The following PTPN3 variants were observed in gnomAD, a reference collection of about 807,000 sequenced individuals.
The protein encoded by PTPN3 is tyrosine-protein phosphatase non-receptor type 3.
A neutral mutation model predicts 132.7 loss-of-function variants in PTPN3; 96 were observed. That is an observed-to-expected ratio of 0.72 (90% CI 0.61 to 0.86). The LOEUF is 0.86. Among genes scored for constraint, PTPN3 ranks in the 40% least tolerant of loss-of-function variants. The pLI is 0.00. For missense variants in PTPN3, 1,125 were observed against 1,159.6 expected (o/e 0.97, Z 0.43); for synonymous variants, 398 against 429.0 (o/e 0.93, Z 0.89).
Position 109,391,482 on chromosome 9 carries a change from T to C in PTPN3, c.2033A>G (p.Asp678Gly). The C allele has an allele frequency of 6.2e-7, 1 of 1,613,188 alleles. No individual in the cohort carries two copies. Among genetic ancestry groups the C allele is most frequent in the Non-Finnish European group, 8.5e-7 (1 of 1,179,192 alleles). ...PQNLDKNRYK[D>G]VLPYDTTRVL... ...TGCCGGATACTCACAAGGCAGCACATCTTTATATCGGTTTTTGTCCAAATT... is the reference window on the plus strand; with the variant it reads ...TGCCGGATACTCACAAGGCAGCACACCTTTATATCGGTTTTTGTCCAAATT... Residue 678 changes from aspartate to glycine, a missense_variant, in exon 20 of 26, where the codon GAT becomes GGT. Asp to Gly is a moderately conservative substitution (Grantham distance 94). Transcript: ENST00000374541.
At chr9:109,421,303 C>T (rs1052086907) in intron 13 of PTPN3, among the ~76,000 whole-genome samples, 2 of 152,148 alleles carry the variant, frequency 1.3e-5, no homozygotes, top group African/African-American at 4.8e-5. Context: ...GGCGTCAGCT[C>T]CTGCAGCGGG....
At chr9:109,463,594 C>T in intron 1 of PTPN3, 143 bp from the exon 2 acceptor site, 1 of 678,688 alleles carries the variant, frequency 1.5e-6, no homozygotes, top group Non-Finnish European at 2.2e-6. Flanking sequence ...ATCATGTTTC[C>T]AATTGAGTTT....
chr9:109,464,551 T>A (rs1397831902), intron 1 of PTPN3, among the ~76,000 whole-genome samples: 2 of 152,194 alleles, frequency 1.3e-5, no homozygotes, highest in Admixed American at 6.5e-5. Context: ...TCAGAACTTG[T>A]AAGCTAAAAA....
At chr9:109,405,692 C>T (rs983505131) in intron 18 of PTPN3, among the ~76,000 whole-genome samples, 1 of 152,148 alleles carries the variant, frequency 6.6e-6, no homozygotes, top group Non-Finnish European at 1.5e-5. Flanking sequence ...TGGGTTCAAG[C>T]GATTCTCCTG....
chr9:109,388,870 A>T (rs1409010590), intron 22 of PTPN3, among the ~76,000 whole-genome samples: 1 of 152,238 alleles, frequency 6.6e-6, no homozygotes, highest in Non-Finnish European at 1.5e-5. Context: ...AAAATGGCAC[A>T]GTGATGTAAT....
the PTPN3 span, among the ~76,000 whole-genome samples, chr9:109,506,239 A>G: frequency 6.6e-6 from 1 of 152,168 alleles, no homozygotes; most frequent in Non-Finnish European, 1.5e-5. Context: ...TAACCATGTG[A>G]CTGGAAAGGC....
Position 109,376,541 on chromosome 9 carries a change from G to A in PTPN3, c.*3015C>T, listed in dbSNP as rs1838574577. On this transcript the variant is annotated 3_prime_UTR_variant, in exon 26 of 26. Coordinates refer to ENST00000374541, the MANE Select transcript of PTPN3 (RefSeq NM_002829.4). ...TGGAAAGTCAAAACACCAAGTGCAG[G>A]TTCTAGAGGGTGACACCAGCAGGGA... 2.0e-5 allele frequency: 3 copies of A among 152,148 alleles called. No individual in the cohort carries two copies. Among genetic ancestry groups the A allele is most frequent in the Admixed American group, 2.0e-4 (3 of 15,276 alleles). 9.4% of individuals were successfully genotyped at this position (152,148 alleles called of 1,614,324 possible). A position where few individuals can be genotyped will look rare whatever the true frequency, so the allele number is the denominator to read the frequency against.
intron 1 of PTPN3, among the ~76,000 whole-genome samples, chr9:109,494,108 G>A (rs139435938): frequency 1.3e-5 from 2 of 152,354 alleles, no homozygotes; most frequent in Non-Finnish European, 2.9e-5. Context: ...GCTAGGTGAG[G>A]CCTGGCCCAT....
At chr9:109,386,588 A>T (rs1398317371) in intron 22 of PTPN3, among the ~76,000 whole-genome samples, 1 of 152,122 alleles carries the variant, frequency 6.6e-6, no homozygotes, top group African/African-American at 2.4e-5. Flanking sequence ...CTCAGTATTG[A>T]AGGACGAGGG....
intron 23 of PTPN3, 48 bp downstream of exon 23, chr9:109,383,375 C>T (rs766630264): frequency 1.4e-5 from 22 of 1,613,612 alleles, no homozygotes; most frequent in Non-Finnish European, 8.5e-7. Context: ...ACAGTGGCCG[C>T]TGATTCAGCA....
intron 7 of PTPN3, among the ~76,000 whole-genome samples, chr9:109,442,461 A>G (rs866402136): frequency 5.9e-5 from 9 of 152,350 alleles, no homozygotes; most frequent in Middle Eastern, 3.4e-3. Context: ...TTCTATTAGC[A>G]TGACAGTAAT....
At chr9:109,475,113 C>T (rs1846590073) in intron 1 of PTPN3, among the ~76,000 whole-genome samples, 2 of 152,154 alleles carry the variant, frequency 1.3e-5, no homozygotes, top group Non-Finnish European at 1.5e-5. Flanking sequence ...AGGAAGTGCC[C>T]TGTAAGAGAG....
At chr9:109,415,064 G>GTCCA (rs769423845) in intron 14 of PTPN3, among the ~76,000 whole-genome samples, 1,320 of 126,022 alleles carry the variant, frequency 0.01, 12 homozygotes, top group Middle Eastern at 0.029. Flanking sequence ...CCGTCCATCC[G>GTCCA]TCCGTCCATC....
chr9:109,532,824 C>T, the PTPN3 span: 18 of 878,676 alleles, frequency 2.0e-5, no homozygotes, highest in Non-Finnish European at 2.6e-5. Context: ...GATGATAAGT[C>T]GGAATTTACT....
chr9:109,498,319 G>C (rs914483407), upstream of PTPN3: 1 of 146,226 alleles, frequency 6.8e-6, no homozygotes, highest in African/African-American at 2.5e-5. The surrounding 1 kb of genome is among the most constrained non-coding windows in gnomAD (Gnocchi z 4.2). Context: ...AGCATGCCCA[G>C]TGCCGCCCGC....
chr9:109,427,682 C>T (rs576491577), intron 11 of PTPN3, among the ~76,000 whole-genome samples: 1 of 152,226 alleles, frequency 6.6e-6, no homozygotes, highest in Non-Finnish European at 1.5e-5. Context: ...TTTTGTGCCA[C>T]CCTGAATCTT....
chr9:109,516,651 T>G, the PTPN3 span, among the ~76,000 whole-genome samples: 1 of 152,086 alleles, frequency 6.6e-6, no homozygotes. Flanking sequence ...TGGGGAGCAT[T>G]GAAGATTGTA....
the PTPN3 span, among the ~76,000 whole-genome samples, chr9:109,536,664 AG>A: frequency 6.6e-6 from 1 of 152,160 alleles, no homozygotes. Context: ...GGTGTATGTA[AG>A]GCTTTGAATA....
At chr9:109,383,701 G>A in intron 22 of PTPN3, 150 bp from the exon 23 acceptor site, 1 of 1,182,178 alleles carries the variant, frequency 8.5e-7, no homozygotes, top group Non-Finnish European at 1.2e-6. Flanking sequence ...TCCATCAGCT[G>A]TTTCTCAGGG....
Sources: allele counts gnomAD v4.1 joint callset (sites outside exome capture counted in the v4.1 genomes callset), GRCh38; gene constraint gnomAD v4.1.1; non-coding constraint Gnocchi (gnomAD v3.1); transcripts MANE v1.5; gene names NCBI Gene and HGNC (gene_info 2026-07-23, HGNC 2026-07-21).